AKAP6: variants seen among roughly 807,000 people sequenced by gnomAD.
The protein encoded by AKAP6 is A-kinase anchor protein 6.
Under a neutral mutation model 188.5 loss-of-function variants are expected in AKAP6, and 58 were observed. The observed-to-expected ratio is 0.31, with a 90% CI of 0.25 to 0.38. The LOEUF (loss-of-function observed/expected upper bound fraction) is 0.38, where lower values mean the gene tolerates loss of function less well. Ranked by LOEUF, AKAP6 falls within the 10% of genes least tolerant of loss-of-function variation. The probability of loss-of-function intolerance (pLI) is 1.00; values close to 1 mark genes in which losing one functional copy is unlikely to be tolerated. For missense variants in AKAP6, 2,710 were observed against 2,740.0 expected (o/e 0.99, Z 0.24); for synonymous variants, 989 against 998.6 (o/e 0.99, Z 0.18).
At chr14:32,387,132 C>T (rs916055992) in intron 1 of AKAP6, among the ~76,000 whole-genome samples, 24 of 152,096 alleles carry the variant, frequency 1.6e-4, no homozygotes, top group Middle Eastern at 3.4e-3. Flanking sequence ...GATTTGTGTA[C>T]GTTAATTTTG....
chr14:32,635,303 A>C (rs1887438076), intron 7 of AKAP6, among the ~76,000 whole-genome samples: 1 of 152,090 alleles, frequency 6.6e-6, no homozygotes, highest in African/African-American at 2.4e-5. Context: ...TTGCTGTATG[A>C]GTCATAGTTA....
chr14:32,510,464 A>G (rs11628317), intron 2 of AKAP6, among the ~76,000 whole-genome samples: 1,344 of 70,010 alleles, frequency 0.019, 39 homozygotes, highest in East Asian at 0.067. Flanking sequence ...ATATATGTGT[A>G]TATATATATA....
chr14:32,615,591 C>CTTTTTTTTTGTTT (rs1886541293), intron 7 of AKAP6, among the ~76,000 whole-genome samples: 1 of 115,306 alleles, frequency 8.7e-6, no homozygotes, highest in African/African-American at 3.8e-5. Flanking sequence ...TAAACCATTA[C>CTTTTTTTTTGTTT]TTTTTTTTTT....
In AKAP6 at chr14:32,823,535, G is replaced by A. The variant is rs1347245773; in HGVS notation, c.5722G>A (p.Gly1908Arg). The A allele has an allele frequency of 6.2e-7, 1 of 1,613,616 alleles. No individual in the cohort carries two copies. The highest frequency in any genetic ancestry group is 8.5e-7 in the Non-Finnish European group (1 of 1,179,880). ...TGAAGGTATTCCAGAAAGGCAAAAG[G>A]GAAAACCGAATGTGACTTCAAAGGT... ...NIEGIPERQK[G>R]KPNVTSKVSE... is the part of the protein sequence containing the mutation. The change falls in exon 13 of 14, where the codon GGA (glycine) becomes AGA (arginine). Residue 1908 changes from glycine to arginine, a missense_variant. By Grantham distance (125) the Gly-to-Arg change is moderately radical. This residue lies in a region of AKAP6 where 2,473 missense variants were observed against 2,426.1 expected (regional missense o/e 1.02). Transcript: ENST00000280979.
chr14:32,748,179 A>T (rs1422898021), intron 11 of AKAP6, among the ~76,000 whole-genome samples: 1 of 152,262 alleles, frequency 6.6e-6, no homozygotes, highest in Non-Finnish European at 1.5e-5. Context: ...TTGCAAAGGT[A>T]TCTCAGTGCT....
intron 2 of AKAP6, among the ~76,000 whole-genome samples, chr14:32,439,600 G>T (rs1890501526): frequency 2.2e-5 from 2 of 90,402 alleles, no homozygotes; most frequent in Non-Finnish European, 4.1e-5. Context: ...AGCATAACTA[G>T]TAAGGCTACC....
intron 4 of AKAP6, among the ~76,000 whole-genome samples, chr14:32,552,835 A>G (rs1883535050): frequency 6.6e-6 from 1 of 152,220 alleles, no homozygotes; most frequent in Non-Finnish European, 1.5e-5. Context: ...AAGGGAGGGT[A>G]TGTGGAACTC....
chr14:32,454,656 T>TCTCCTTCCCTCCTTCCCTCCTTCC (rs1253542129), intron 2 of AKAP6, among the ~76,000 whole-genome samples: 1 of 22,634 alleles, frequency 4.4e-5, no homozygotes, highest in Non-Finnish European at 7.4e-5. Context: ...TCCTTCCCTC[T>TCTCCTTCCCTCCTTCCCTCCTTCC]CTCCTTCCCT....
At chr14:32,582,026 A>G (rs1218260572) in intron 5 of AKAP6, among the ~76,000 whole-genome samples, 1 of 151,818 alleles carries the variant, frequency 6.6e-6, no homozygotes, top group Non-Finnish European at 1.5e-5. Context: ...TGTGAATTTG[A>G]TCCTGTCATT....
At chr14:32,570,388 C>T (rs554412984) in intron 4 of AKAP6, among the ~76,000 whole-genome samples, 1 of 151,832 alleles carries the variant, frequency 6.6e-6, no homozygotes, top group Non-Finnish European at 1.5e-5. Flanking sequence ...GTGATCTGCC[C>T]ACCTCGGCCT....
chr14:32,614,762 G>C (rs1886488557), intron 7 of AKAP6, among the ~76,000 whole-genome samples: 1 of 152,128 alleles, frequency 6.6e-6, no homozygotes, highest in Admixed American at 6.5e-5. Flanking sequence ...GTGAATCACA[G>C]TTAGTCCATG....
chr14:32,829,911 T>C lies in AKAP6; in HGVS notation c.*106T>C, dbSNP rs556776054. ...CGCCCTGGGCTGGCCTCTGGTTCCA[T>C]CACGTTTGTCACTGCCGTTTATTAC... On this transcript the variant is annotated 3_prime_UTR_variant, in exon 14 of 14. Transcript: ENST00000280979. 3.0e-5 allele frequency: 21 copies of C among 702,758 alleles called. 1 individual carries two copies. The South Asian group carries it at 3.1e-4, about 10-fold the overall frequency. The allele number at this position is 702,758 out of a possible 1,614,324, so 43.5% of individuals were successfully genotyped here.
At chr14:32,630,307 T>G (rs903296795) in intron 7 of AKAP6, among the ~76,000 whole-genome samples, 1 of 152,142 alleles carries the variant, frequency 6.6e-6, no homozygotes, top group African/African-American at 2.4e-5. Flanking sequence ...GCAGCTTATT[T>G]GATTGTTCAA....
chr14:32,426,800 A>G (rs897545049), intron 1 of AKAP6, among the ~76,000 whole-genome samples: 1 of 152,164 alleles, frequency 6.6e-6, no homozygotes, highest in Admixed American at 6.5e-5. Context: ...CATGATGACT[A>G]TCTGAGTCAA....
intron 12 of AKAP6, among the ~76,000 whole-genome samples, chr14:32,813,603 AG>A: frequency 6.6e-6 from 1 of 152,294 alleles, no homozygotes; most frequent in Non-Finnish European, 1.5e-5. Context: ...CGAGGGCTTT[AG>A]GGGCTCTGTG....
chr14:32,571,068 C>A (rs1174873517), intron 4 of AKAP6, among the ~76,000 whole-genome samples: 3 of 152,104 alleles, frequency 2.0e-5, no homozygotes. Flanking sequence ...CTCACAGGGC[C>A]ATTATGAGAC....
At chr14:32,446,215 CATT>C (rs1256229607) in intron 2 of AKAP6, among the ~76,000 whole-genome samples, 1 of 152,122 alleles carries the variant, frequency 6.6e-6, no homozygotes, top group Non-Finnish European at 1.5e-5. Flanking sequence ...ACAGTTACCT[CATT>C]ATAATGGCAA....
intron 1 of AKAP6, among the ~76,000 whole-genome samples, chr14:32,394,758 C>T (rs191057151): frequency 9.2e-5 from 14 of 152,064 alleles, no homozygotes; most frequent in African/African-American, 2.7e-4. Flanking sequence ...GTAGTTTTAC[C>T]GTGATTTTTG....
rs568676575 is a variant in AKAP6 at position 32,447,148 on chromosome 14, A to G, written c.324+13331A>G. 3.6e-4 allele frequency among the ~76,000 whole-genome samples: 55 copies of G among 152,306 alleles called. No homozygotes were observed. The South Asian group carries it at 0.011, about 32-fold the overall frequency. On this transcript the variant is annotated intron_variant, in intron 2 of 13. Coordinates refer to ENST00000280979, the MANE Select transcript of AKAP6 (RefSeq NM_004274.5). ...CTCGTCTCTCTACTTAAAAAACTTCATGCACACTCAGCCTGCACTGCTCTG... is the reference window on the plus strand; with the variant it reads ...CTCGTCTCTCTACTTAAAAAACTTCGTGCACACTCAGCCTGCACTGCTCTG...
Sources: gnomAD v4.1 joint callset for allele counts (sites outside exome capture counted in the v4.1 genomes callset) on GRCh38, gnomAD v4.1.1 for gene constraint, gnomAD v4.1.1 regional missense constraint, MANE v1.5 for transcripts, NCBI Gene and HGNC (gene_info 2026-07-23, HGNC 2026-07-21) for gene names.